PCDHGA6: variants seen among roughly 807,000 people sequenced by gnomAD.
PCDHGA6 encodes protocadherin gamma-A6.
A neutral mutation model predicts 60.6 loss-of-function variants in PCDHGA6; 41 were observed. That is an observed-to-expected ratio of 0.68 (90% CI 0.53 to 0.88). The LOEUF is 0.88. PCDHGA6 is among the 40% of genes least tolerant of loss of function. PCDHGA6 has a pLI of 0.00. For missense variants in PCDHGA6, 1,312 were observed against 1,203.0 expected (o/e 1.09, Z -1.34); for synonymous variants, 594 against 524.4 (o/e 1.13, Z -1.81).
At chr5:141,385,135 G>T (rs948872903) in intron 1 of PCDHGA6, 7 of 1,614,214 alleles carry the variant, frequency 4.3e-6, no homozygotes, top group African/African-American at 2.7e-5. Context: ...CATGGACGGG[G>T]TGCAGGCTTT....
At chr5:141,434,194 GTACT>G (rs527775432) in intron 1 of PCDHGA6, among the ~76,000 whole-genome samples, 169 of 152,308 alleles carry the variant, frequency 1.1e-3, no homozygotes, top group African/African-American at 3.9e-3. Flanking sequence ...TAATTCCAAT[GTACT>G]TACTTCTGTC....
rs776004958 is a variant in PCDHGA6 at position 141,410,344 on chromosome 5, C to T, written c.2424+33837C>T. 6 of 1,614,006 alleles carry T rather than the reference C, an allele frequency of 3.7e-6. No individual in the cohort carries two copies. In the South Asian group the frequency reaches 6.6e-5, roughly 18 times the overall value. On this transcript the variant is annotated intron_variant, in intron 1 of 3. Transcript: ENST00000517434. ...CCGTGATTCTGGCCATTGCCTTGCG[C>T]CTGCGACGCTCTCTCAGCCCTGCTA...
intron 1 of PCDHGA6, among the ~76,000 whole-genome samples, chr5:141,452,284 C>G (rs1182155879): frequency 6.6e-6 from 1 of 152,112 alleles, no homozygotes; most frequent in Non-Finnish European, 1.5e-5. Context: ...TTCTTACTTT[C>G]TGATATAAGA....
Position 141,487,831 on chromosome 5 carries a change from A to G in PCDHGA6, c.2425-6976A>G, listed in dbSNP as rs1001896359. ...TTAGCATTGGGGGCGGGTCATGCCTATATCTGAGTAAGAAATGAAAGTAAT... is the reference window on the plus strand; with the variant it reads ...TTAGCATTGGGGGCGGGTCATGCCTGTATCTGAGTAAGAAATGAAAGTAAT... On this transcript the variant is annotated intron_variant, in intron 1 of 3. Transcript: ENST00000517434. This position sits in a 1 kb window ranked among gnomAD's most constrained non-coding sequence, Gnocchi z 5.0. The G allele has an allele frequency of 1.1e-5, 13 of 1,144,204 alleles. No homozygotes were observed. Among genetic ancestry groups the G allele is most frequent in the Non-Finnish European group, 1.6e-5 (13 of 818,302 alleles). 70.9% of individuals were successfully genotyped at this position (1,144,204 alleles called of 1,614,324 possible). A position where few individuals can be genotyped will look rare whatever the true frequency, so the allele number is the denominator to read the frequency against.
chr5:141,405,330 T>A, intron 1 of PCDHGA6: 1 of 1,614,206 alleles, frequency 6.2e-7, no homozygotes. Flanking sequence ...CCTTTGTGCG[T>A]CTCTGTTGAT....
At chr5:141,381,820 C>CTTTCTTTCTTTCTTTCT (rs1279410534) in intron 1 of PCDHGA6, among the ~76,000 whole-genome samples, 49 of 119,880 alleles carry the variant, frequency 4.1e-4, no homozygotes, top group African/African-American at 1.5e-3. Flanking sequence ...TTCTTTCTTT[C>CTTTCTTTCTTTCTTTCT]TTCTTCTTTT....
At chr5:141,450,815 A>ATTAT (rs1554136868) in intron 1 of PCDHGA6, among the ~76,000 whole-genome samples, 98 of 126,742 alleles carry the variant, frequency 7.7e-4, no homozygotes, top group African/African-American at 3.1e-3. Flanking sequence ...TATTTATTTA[A>ATTAT]TATTATTATT....
chr5:141,424,246 A>G (rs971050268), intron 1 of PCDHGA6: 2 of 154,772 alleles, frequency 1.3e-5, no homozygotes, highest in African/African-American at 4.8e-5. Context: ...GTGGCTGGTA[A>G]TATGCTTAGA....
intron 1 of PCDHGA6, among the ~76,000 whole-genome samples, chr5:141,407,497 G>GTTTTTTTTTTTTTT (rs1554102286): frequency 6.6e-6 from 1 of 152,090 alleles, no homozygotes; most frequent in African/African-American, 2.4e-5. Context: ...CTTTATTTCT[G>GTTTTTTTTTTTTTT]TTTTTCTTAG....
intron 1 of PCDHGA6, among the ~76,000 whole-genome samples, chr5:141,455,967 A>T (rs965245893): frequency 2.7e-5 from 4 of 150,838 alleles, no homozygotes; most frequent in Non-Finnish European, 4.4e-5. Flanking sequence ...GCGCGATCTC[A>T]GCTCACTGCA....
At chr5:141,427,006 G>C (rs1288837425) in intron 1 of PCDHGA6, 3 of 456,792 alleles carry the variant, frequency 6.6e-6, no homozygotes, top group South Asian at 3.1e-5. Flanking sequence ...CCAGTTTTTA[G>C]CCAGGATGTA....
chr5:141,400,245 C>T (rs778709619), intron 1 of PCDHGA6: 66 of 1,613,878 alleles, frequency 4.1e-5, no homozygotes, highest in African/African-American at 4.0e-5. Context: ...TGATTCTGGC[C>T]GTTGCCTTGC....
intron 1 of PCDHGA6, chr5:141,420,142 G>T: frequency 4.3e-6 from 7 of 1,614,004 alleles, no homozygotes; most frequent in Non-Finnish European, 5.9e-6. Flanking sequence ...GGGATCAAAT[G>T]AATCCAGAAT....
chr5:141,432,803 G>T lies in PCDHGA6; in HGVS notation c.2424+56296G>T, dbSNP rs751950423. 3 of 1,614,160 alleles carry T rather than the reference G, an allele frequency of 1.9e-6. No homozygotes were observed. The highest frequency in any genetic ancestry group is 2.2e-5 in the East Asian group (1 of 44,874). ...GGACCTCGGCAGCCTCGAGTCTCCA[G>T]CTAACTCTGAAACCTCAGACCTCAC... On this transcript the variant is annotated intron_variant, in intron 1 of 3. Coordinates refer to ENST00000517434, the MANE Select transcript of PCDHGA6 (RefSeq NM_018919.3). This position sits in a 1 kb window ranked among gnomAD's most constrained non-coding sequence, Gnocchi z 6.0.
chr5:141,395,363 T>C (rs2093221465), intron 1 of PCDHGA6: 2 of 1,278,044 alleles, frequency 1.6e-6, no homozygotes, highest in Admixed American at 5.9e-5. Context: ...GTTTTGGGTT[T>C]ATTTTGGTGG....
chr5:141,505,832 T>G (rs1006398435), intron 3 of PCDHGA6, among the ~76,000 whole-genome samples: 1 of 152,188 alleles, frequency 6.6e-6, no homozygotes, highest in African/African-American at 2.4e-5. Flanking sequence ...AAACCTCAGT[T>G]TCCTCAGCCT....
At chr5:141,385,369 G>A in intron 1 of PCDHGA6, 1 of 1,532,174 alleles carries the variant, frequency 6.5e-7, no homozygotes, top group East Asian at 2.3e-5. Flanking sequence ...TTATTTGCAT[G>A]ATATTTCTCT....
chr5:141,460,467 AG>A (rs1303418429), intron 1 of PCDHGA6, among the ~76,000 whole-genome samples: 1 of 152,114 alleles, frequency 6.6e-6, no homozygotes, highest in African/African-American at 2.4e-5. Flanking sequence ...TTTTTTCCAA[AG>A]GAATATCCAA....
In PCDHGA6 at chr5:141,375,751, T is replaced by C. The variant is rs1389189532; in HGVS notation, c.1668T>C (p.Asn556=). 3 of 1,614,108 alleles carry C rather than the reference T, an allele frequency of 1.9e-6. No individual in the cohort carries two copies. The highest frequency in any genetic ancestry group is 2.5e-6 in the Non-Finnish European group (3 of 1,180,044). The change falls in exon 1 of 4, where the codon AAT becomes AAC. Residue 556 remains asparagine (N), a synonymous_variant. Coordinates refer to ENST00000517434, the MANE Select transcript of PCDHGA6 (RefSeq NM_018919.3). Reference sequence around the variant, plus strand: ...TGAGCCTGTTTGTGCTGGACCAGAATGACAATGCGCCCGAGATCCTGTACC... The same window carrying C: ...TGAGCCTGTTTGTGCTGGACCAGAACGACAATGCGCCCGAGATCCTGTACC... ...VSLSLFVLDQ[N]DNAPEILYPA...
Sources: gnomAD v4.1 joint callset for allele counts (sites outside exome capture counted in the v4.1 genomes callset) on GRCh38, gnomAD v4.1.1 for gene constraint, Gnocchi (gnomAD v3.1) non-coding constraint, MANE v1.5 for transcripts, NCBI Gene and HGNC (gene_info 2026-07-23, HGNC 2026-07-21) for gene names.